COL5A2: variants seen among roughly 807,000 people sequenced by gnomAD.
COL5A2 encodes collagen alpha-2(V) chain.
In COL5A2, 23 loss-of-function variants were observed where a neutral mutation model predicts 208.2. That is an observed-to-expected ratio of 0.11 (90% confidence interval 0.08 to 0.16). COL5A2 has a LOEUF of 0.16. Ranked by LOEUF, COL5A2 falls within the 10% of genes least tolerant of loss-of-function variation. COL5A2 has a pLI of 1.00. For missense variants in COL5A2, 1,590 were observed against 1,956.4 expected, an observed-to-expected ratio of 0.81 and a Z score of 3.53; for synonymous variants, 625 against 628.5, an observed-to-expected ratio of 0.99 and a Z score of 0.08.
rs1383213759 is a variant in COL5A2, at chr2:189,032,734, A to T, written c.*1336T>A. On this transcript the variant is annotated 3_prime_UTR_variant, in exon 54 of 54. Transcript: ENST00000374866. ...ATGCAAGTATTACAAAGCATTCCAG[A>T]TACAGTATGACAGAGGAACAGTGAA... 4 of 152,602 alleles carry T rather than the reference A, an allele frequency of 2.6e-5. No individual in the cohort carries two copies. In the East Asian group the frequency reaches 5.8e-4, roughly 22 times the overall value. The allele number at this position is 152,602 out of a possible 1,614,324, so 9.5% of individuals were successfully genotyped here.
chr2:189,077,739 T>C (rs906913868), intron 16 of COL5A2, among the ~76,000 whole-genome samples: 1 of 152,290 alleles, frequency 6.6e-6, no homozygotes, highest in Non-Finnish European at 1.5e-5. Flanking sequence ...TTTGGTATTG[T>C]TGAGTAGCTC....
At chr2:189,246,835 C>T in the COL5A2 span, among the ~76,000 whole-genome samples, 1 of 152,180 alleles carries the variant, frequency 6.6e-6, no homozygotes, top group African/African-American at 2.4e-5. Flanking sequence ...GTTGAAGACA[C>T]AGCCTGAAGA....
the COL5A2 span, among the ~76,000 whole-genome samples, chr2:189,279,041 T>G: frequency 6.6e-6 from 1 of 151,952 alleles, no homozygotes; most frequent in African/African-American, 2.4e-5. Flanking sequence ...AATGTGTTAT[T>G]CAAGAAAATA....
At chr2:189,042,583 CAT>C (rs1685583991) in intron 49 of COL5A2, 135 bp downstream of exon 49, 3 of 763,582 alleles carry the variant, frequency 3.9e-6, no homozygotes, top group Middle Eastern at 2.3e-4. Context: ...TAGCTTGTCT[CAT>C]ATGTGTGTTG....
the COL5A2 span, among the ~76,000 whole-genome samples, chr2:189,408,234 T>A: frequency 6.6e-6 from 1 of 152,262 alleles, no homozygotes; most frequent in Non-Finnish European, 1.5e-5. Flanking sequence ...GTAAAAATAA[T>A]AAGTTATCTG....
At chr2:189,339,400 T>C in the COL5A2 span, among the ~76,000 whole-genome samples, 2 of 150,402 alleles carry the variant, frequency 1.3e-5, no homozygotes, top group Non-Finnish European at 3.0e-5. Context: ...TGTTTAAAAA[T>C]TGGAAAACTG....
intron 38 of COL5A2, 106 bp from the exon 39 acceptor site, chr2:189,053,124 G>T: frequency 1.0e-6 from 1 of 971,598 alleles, no homozygotes; most frequent in Non-Finnish European, 1.6e-6. Flanking sequence ...GTGAAACAGT[G>T]CTTTATAATC....
At chr2:189,405,674 G>A in the COL5A2 span, among the ~76,000 whole-genome samples, 1 of 152,064 alleles carries the variant, frequency 6.6e-6, no homozygotes, top group African/African-American at 2.4e-5. Context: ...ACAAAGGAGA[G>A]GTATACAACA....
Position 189,056,493 on chromosome 2 carries a change from C to G in COL5A2, c.2391+480G>C, listed in dbSNP as rs1172504197. On this transcript the variant is annotated intron_variant, in intron 35 of 53. Coordinates refer to ENST00000374866, the MANE Select transcript of COL5A2 (RefSeq NM_000393.5). Reference sequence around the variant, plus strand: ...GCAGTTGACCATCCTTCTGGACATTCTGCTTGTTCAAACTGTTTATTAATG... The same window carrying G: ...GCAGTTGACCATCCTTCTGGACATTGTGCTTGTTCAAACTGTTTATTAATG... 2.0e-5 allele frequency among the ~76,000 whole-genome samples: 3 copies of G among 152,138 alleles called. No individual in the cohort carries two copies. In the East Asian group the frequency reaches 5.8e-4, roughly 29 times the overall value.
chr2:189,436,982 A>G, the COL5A2 span, among the ~76,000 whole-genome samples: 1 of 152,114 alleles, frequency 6.6e-6, no homozygotes. Context: ...AAACCTGCAC[A>G]TCCTGCGCAT....
chr2:189,412,517 G>T, the COL5A2 span, among the ~76,000 whole-genome samples: 4 of 152,084 alleles, frequency 2.6e-5, no homozygotes, highest in African/African-American at 7.2e-5. Flanking sequence ...ATGCAAACCT[G>T]CAAAAATAAT....
intron 1 of COL5A2, among the ~76,000 whole-genome samples, chr2:189,186,288 T>C (rs1305324638): frequency 6.6e-6 from 1 of 152,124 alleles, no homozygotes; most frequent in East Asian, 1.9e-4. Flanking sequence ...TGAGCCACTT[T>C]ATCAAGCCAA....
chr2:189,313,566 T>A, the COL5A2 span, among the ~76,000 whole-genome samples: 5 of 152,156 alleles, frequency 3.3e-5, no homozygotes, highest in African/African-American at 1.2e-4. Context: ...AACATCATGA[T>A]GACAGGATCA....
intron 3 of COL5A2, among the ~76,000 whole-genome samples, chr2:189,102,648 A>G (rs1687069831): frequency 6.6e-6 from 1 of 152,104 alleles, no homozygotes. Flanking sequence ...GAATGTCATT[A>G]CCATGGAAGC....
chr2:189,361,736 A>ACTTC, the COL5A2 span, among the ~76,000 whole-genome samples: 1 of 151,880 alleles, frequency 6.6e-6, no homozygotes. Context: ...GATTTTCAGT[A>ACTTC]ATACATTTTG....
the COL5A2 span, among the ~76,000 whole-genome samples, chr2:189,289,476 C>T: frequency 6.6e-6 from 1 of 152,036 alleles, no homozygotes; most frequent in Non-Finnish European, 1.5e-5. Flanking sequence ...ATCAGGAACA[C>T]GACAAGGATG....
the COL5A2 span, among the ~76,000 whole-genome samples, chr2:189,382,978 A>G: frequency 6.6e-6 from 1 of 152,124 alleles, no homozygotes; most frequent in African/African-American, 2.4e-5. Context: ...CACAAAGTAT[A>G]TTATCACAAG....
intron 2 of COL5A2, among the ~76,000 whole-genome samples, chr2:189,106,425 C>T (rs979534849): frequency 6.6e-6 from 1 of 151,162 alleles, no homozygotes; most frequent in Admixed American, 6.6e-5. Flanking sequence ...CATAGTAAAC[C>T]TATTAATTTC....
chr2:189,046,942 T>A (rs189057878), intron 45 of COL5A2, among the ~76,000 whole-genome samples: 1 of 151,832 alleles, frequency 6.6e-6, no homozygotes, highest in Admixed American at 6.6e-5. Context: ...GCCAACGTGG[T>A]GAAACCCAGT....
Sources: gnomAD v4.1 joint callset for allele counts (sites outside exome capture counted in the v4.1 genomes callset) on GRCh38, gnomAD v4.1.1 for gene constraint, MANE v1.5 for transcripts, NCBI Gene and HGNC (gene_info 2026-07-23, HGNC 2026-07-21) for gene names.